Variants in MGST1 observed in about 807,000 individuals in gnomAD.
MGST1 encodes the protein glutathione S-transferase 12.
In MGST1, 5 loss-of-function variants were observed where a neutral mutation model predicts 8.9. The observed-to-expected ratio is 0.56, with a 90% CI of 0.29 to 1.19. The LOEUF is 1.19. Among genes scored for constraint, MGST1 ranks in the 50% most tolerant of loss-of-function variants. MGST1 has a pLI of 0.08. For synonymous variants in MGST1, 54 were observed against 67.8 expected, an observed-to-expected ratio of 0.80 and a Z score of 1.00; for missense variants, 182 against 187.4, an observed-to-expected ratio of 0.97 and a Z score of 0.17.
rs537076100 is a variant in MGST1, at chr12:16,582,850, C to T, written n.483-6678C>T. Among the ~76,000 whole-genome samples the T allele has an allele frequency of 6.8e-4, 103 of 152,102 alleles. No homozygotes were observed. Among genetic ancestry groups the T allele is most frequent in the African/African-American group, 2.3e-3 (95 of 41,510 alleles). On this transcript the variant is annotated intron_variant and non_coding_transcript_variant, in intron 4 of 4. Transcript: ENST00000538857. The surrounding 1 kb of genome is among the most constrained non-coding windows in gnomAD (Gnocchi z 4.1). ...ATCACCTGAGGTCAGGAGTTCGAGA[C>T]CAGCCTGGCCAACATGGCGAAACCC...
In MGST1 at chr12:16,559,967, G is replaced by A. The variant is rs11056994; in HGVS notation, n.483-29561G>A. On this transcript the variant is annotated intron_variant and non_coding_transcript_variant, in intron 4 of 4. Coordinates refer to the MGST1 transcript ENST00000538857. The surrounding 1 kb of genome is among the most constrained non-coding windows in gnomAD (Gnocchi z 4.1). Reference sequence around the variant, plus strand: ...AGAACCAGACCTTGTATTTAAAAAAGCAAAAACAAAAACATGAGGGATAAG... The same window carrying A: ...AGAACCAGACCTTGTATTTAAAAAAACAAAAACAAAAACATGAGGGATAAG... Among the ~76,000 whole-genome samples, 51,857 of 151,396 alleles carry A rather than the reference G, an allele frequency of 0.34. 8,973 individuals are homozygous for A. Among genetic ancestry groups the A allele is most frequent in the South Asian group, 0.4 (1,920 of 4,776 alleles).
At chr12:16,354,998 A>G (rs1939646789) in intron 2 of MGST1, among the ~76,000 whole-genome samples, 1 of 151,992 alleles carries the variant, frequency 6.6e-6, no homozygotes, top group Non-Finnish European at 1.5e-5. Context: ...TATGTATTCA[A>G]GCAGGGTTTA....
At chr12:16,355,960 G>A (rs561229305) in intron 2 of MGST1, among the ~76,000 whole-genome samples, 75 of 152,154 alleles carry the variant, frequency 4.9e-4, no homozygotes, top group African/African-American at 1.8e-3. Context: ...GTTCAGTGAG[G>A]GCCCAGTTCC....
intron 4 of MGST1, among the ~76,000 whole-genome samples, chr12:16,454,164 A>G (rs1026393968): frequency 7.2e-5 from 11 of 152,042 alleles, no homozygotes; most frequent in African/African-American, 2.6e-4. Context: ...CAGATTGCTA[A>G]GTTCAAACAC....
At chr12:16,419,576 A>T (rs1030621228) in intron 1 of MGST1, among the ~76,000 whole-genome samples, 4 of 152,180 alleles carry the variant, frequency 2.6e-5, no homozygotes, top group African/African-American at 4.8e-5. Flanking sequence ...GAATAATATG[A>T]TATATTTCTT....
Position 16,410,476 on chromosome 12 carries a change from G to A in MGST1, n.778+26872G>A, listed in dbSNP as rs537732224. ...ATATGATGCACTCAGTTCTATAGACGCTAGTCAGATTTGTAAAAGCATATA... is the reference window on the plus strand; with the variant it reads ...ATATGATGCACTCAGTTCTATAGACACTAGTCAGATTTGTAAAAGCATATA... On this transcript the variant is annotated intron_variant and non_coding_transcript_variant, in intron 1 of 1. Coordinates refer to the MGST1 transcript ENST00000359720. The surrounding 1 kb of genome is among the most constrained non-coding windows in gnomAD (Gnocchi z 4.4). Among the ~76,000 whole-genome samples the A allele has an allele frequency of 1.1e-4, 17 of 151,666 alleles. No individual in the cohort carries two copies. In the South Asian group the frequency reaches 2.9e-3, roughly 26 times the overall value.
rs1204690944 is a variant in MGST1 at position 16,410,432 on chromosome 12, G to C, written n.778+26828G>C. ...CCCGAATTGCTGCAATAGCCCGTCT[G>C]TGTTTTCTAAATCTGCAAATATGAT... On this transcript the variant is annotated intron_variant and non_coding_transcript_variant, in intron 1 of 1. Transcript: ENST00000359720. This position sits in a 1 kb window ranked among gnomAD's most constrained non-coding sequence, Gnocchi z 4.4. Among the ~76,000 whole-genome samples the C allele has an allele frequency of 6.6e-6, 1 of 151,890 alleles. No homozygotes were observed. The highest frequency in any genetic ancestry group is 2.4e-5 in the African/African-American group (1 of 41,362).
At chr12:16,506,500 C>T (rs555761734) in intron 4 of MGST1, among the ~76,000 whole-genome samples, 1 of 152,250 alleles carries the variant, frequency 6.6e-6, no homozygotes, top group South Asian at 2.1e-4. Context: ...AGAGAATTGT[C>T]TCTCTACAAC....
chr12:16,556,170 T>C (rs1386908796), intron 4 of MGST1, among the ~76,000 whole-genome samples: 2 of 152,190 alleles, frequency 1.3e-5, no homozygotes, highest in Non-Finnish European at 2.9e-5. Flanking sequence ...ATCACAAGCT[T>C]TTTATTTTTC....
intron 4 of MGST1, among the ~76,000 whole-genome samples, chr12:16,552,203 A>G (rs1942013363): frequency 6.6e-6 from 1 of 152,066 alleles, no homozygotes; most frequent in Admixed American, 6.6e-5. Context: ...TGGTACATTT[A>G]ACAATAAAGT....
chr12:16,371,461 A>G (rs959067971), intron 3 of MGST1, among the ~76,000 whole-genome samples: 20 of 152,108 alleles, frequency 1.3e-4, no homozygotes, highest in Admixed American at 3.3e-4. Context: ...CTGAACTCAT[A>G]TTATACCAGA....
chr12:16,557,168 G>T (rs972151812), intron 4 of MGST1, among the ~76,000 whole-genome samples: 25 of 152,042 alleles, frequency 1.6e-4, no homozygotes, highest in African/African-American at 6.0e-4. Flanking sequence ...TTTAGGCTGG[G>T]TTTAGCACTT....
At position 16,408,657 on chromosome 12, in the gene MGST1, G is replaced by A. The variant is rs192204607; in HGVS notation, n.778+25053G>A. On this transcript the variant is annotated intron_variant and non_coding_transcript_variant, in intron 1 of 1. Coordinates refer to the MGST1 transcript ENST00000359720. ...CTATTTTACATTTGTTGAGATTTTC[G>A]TATTTGTGTTTTCATCACTTCTGGA... 3.9e-4 allele frequency among the ~76,000 whole-genome samples: 60 copies of A among 151,990 alleles called. No homozygotes were observed. The East Asian group carries it at 7.7e-3, about 20-fold the overall frequency.
At chr12:16,396,429 T>C (rs959136302) in intron 1 of MGST1, among the ~76,000 whole-genome samples, 2 of 152,172 alleles carry the variant, frequency 1.3e-5, no homozygotes, top group Admixed American at 6.6e-5. Context: ...CTGGAAGTCT[T>C]AGTCAGAACA....
chr12:16,456,884 C>T (rs1941178063), intron 4 of MGST1, among the ~76,000 whole-genome samples: 1 of 151,882 alleles, frequency 6.6e-6, no homozygotes, highest in South Asian at 2.1e-4. Context: ...TGTTTCTCCA[C>T]TTCTTCCTTA....
intron 4 of MGST1, among the ~76,000 whole-genome samples, chr12:16,552,769 T>C (rs1591764234): frequency 6.6e-6 from 1 of 152,220 alleles, no homozygotes; most frequent in East Asian, 1.9e-4. Flanking sequence ...CTGGATACAA[T>C]GAACATTCAA....
chr12:16,352,792 C>G (rs1462848980), intron 1 of MGST1, among the ~76,000 whole-genome samples: 1 of 152,136 alleles, frequency 6.6e-6, no homozygotes, highest in East Asian at 1.9e-4. Flanking sequence ...TTCCCTATTA[C>G]ACCCATGAAA....
At position 16,427,674 on chromosome 12, in the gene MGST1, G is replaced by A. The variant is rs370869629; in HGVS notation, n.779-9714G>A. Among the ~76,000 whole-genome samples the A allele has an allele frequency of 2.0e-4, 30 of 152,296 alleles. No individual in the cohort carries two copies. The East Asian group carries it at 5.6e-3, about 28-fold the overall frequency. ...TGGGATTACCGGCATGAGCCACTGG[G>A]CCTGGCCTACATTTTTTCTTTTCCA... On this transcript the variant is annotated intron_variant and non_coding_transcript_variant, in intron 1 of 1. Coordinates refer to the MGST1 transcript ENST00000359720.
At chr12:16,467,564 A>T (rs2137131194) in intron 4 of MGST1, among the ~76,000 whole-genome samples, 1 of 152,328 alleles carries the variant, frequency 6.6e-6, no homozygotes. Flanking sequence ...TGAGAGTTTC[A>T]GGTTTGTTTT....
Sources: allele counts gnomAD v4.1 joint callset (sites outside exome capture counted in the v4.1 genomes callset), GRCh38; gene constraint gnomAD v4.1.1; non-coding constraint Gnocchi (gnomAD v3.1); transcripts MANE v1.5; gene names NCBI Gene and HGNC (gene_info 2026-07-23, HGNC 2026-07-21).